ROR1: variants seen among roughly 807,000 people sequenced by gnomAD.
ROR1 encodes the protein inactive tyrosine-protein kinase transmembrane receptor ROR1.
In ROR1, 19 loss-of-function variants were observed where a neutral mutation model predicts 78.8. The observed-to-expected ratio is 0.24, with a 90% CI of 0.17 to 0.35. The LOEUF (loss-of-function observed/expected upper bound fraction) is 0.35, where lower values mean the gene tolerates loss of function less well. Ranked by LOEUF, ROR1 falls within the 10% of genes least tolerant of loss-of-function variation. The pLI, the probability that ROR1 is intolerant of heterozygous loss-of-function variation, is 1.00. For missense variants in ROR1, 917 were observed against 1,177.8 expected (o/e 0.78, Z 3.24); for synonymous variants, 386 against 433.6 (o/e 0.89, Z 1.36).
At chr1:63,817,325 A>G (rs914161202) in intron 1 of ROR1, among the ~76,000 whole-genome samples, 1 of 152,118 alleles carries the variant, frequency 6.6e-6, no homozygotes, top group African/African-American at 2.4e-5. Flanking sequence ...AGAAAGGACT[A>G]TTTTCAAAGC....
chr1:63,936,835 T>G (rs1645798011), intron 1 of ROR1, among the ~76,000 whole-genome samples: 1 of 152,172 alleles, frequency 6.6e-6, no homozygotes, highest in African/African-American at 2.4e-5. Context: ...ACTGAGCAAA[T>G]GTACAGTGGT....
chr1:63,957,221 T>C (rs1365478836), intron 1 of ROR1, among the ~76,000 whole-genome samples: 1 of 152,224 alleles, frequency 6.6e-6, no homozygotes, highest in Non-Finnish European at 1.5e-5. Context: ...AGTACCTTCC[T>C]GCAGCCTGAA....
At chr1:63,851,232 C>G (rs1457026409) in intron 1 of ROR1, among the ~76,000 whole-genome samples, 1 of 152,172 alleles carries the variant, frequency 6.6e-6, no homozygotes, top group African/African-American at 2.4e-5. Flanking sequence ...CTAGCCTCGG[C>G]CTCCTAAAGT....
intron 4 of ROR1, among the ~76,000 whole-genome samples, chr1:64,072,182 G>T (rs58984888): frequency 0.23 from 34,308 of 152,124 alleles, 4,586 homozygotes; most frequent in African/African-American, 0.38. Flanking sequence ...TAGCATCTAT[G>T]CAAAGAATTG....
At position 64,109,906 on chromosome 1, in the gene ROR1, A is replaced by T. The variant is rs138495742; in HGVS notation, c.483-27463A>T. Among the ~76,000 whole-genome samples, 10 of 152,160 alleles carry T rather than the reference A, an allele frequency of 6.6e-5. No individual in the cohort carries two copies. In the East Asian group the frequency reaches 1.9e-3, roughly 30 times the overall value. On this transcript the variant is annotated intron_variant, in intron 4 of 8. Transcript: ENST00000371079. ...TCTTTTGGGGGCTTCTGATGTCCGA[A>T]TGTCTTATTAATTAGCCCTACCAAC...
intron 1 of ROR1, among the ~76,000 whole-genome samples, chr1:63,979,794 A>G (rs1457894760): frequency 6.6e-6 from 1 of 152,218 alleles, no homozygotes; most frequent in African/African-American, 2.4e-5. Context: ...GATGGAGTAG[A>G]TATGCTCAAA....
chr1:64,171,953 T>G (rs1335361871), intron 8 of ROR1, among the ~76,000 whole-genome samples: 1 of 152,222 alleles, frequency 6.6e-6, no homozygotes, highest in Admixed American at 6.5e-5. Flanking sequence ...AGGTTAGTAG[T>G]AGGCTGCTTC....
chr1:63,937,752 A>C (rs1334757407), intron 1 of ROR1, among the ~76,000 whole-genome samples: 1 of 152,220 alleles, frequency 6.6e-6, no homozygotes, highest in Non-Finnish European at 1.5e-5. Context: ...TATGTCATAG[A>C]GGAAGTTAAT....
rs570393356 is a variant in ROR1 at position 64,048,190 on chromosome 1, G to A, written c.164-1501G>A. Among the ~76,000 whole-genome samples, 9 of 152,226 alleles carry A rather than the reference G, an allele frequency of 5.9e-5. No individual in the cohort carries two copies. In the South Asian group the frequency reaches 1.2e-3, roughly 21 times the overall value. ...CCATTAAATTCAACAAATTTGTGGC[G>A]TTCTACCTGTGCTGTCCAGTACAGT... On this transcript the variant is annotated intron_variant, in intron 2 of 8. Transcript: ENST00000371079.
intron 1 of ROR1, among the ~76,000 whole-genome samples, chr1:63,956,941 A>G (rs910652448): frequency 1.3e-5 from 2 of 152,154 alleles, no homozygotes; most frequent in African/African-American, 4.8e-5. Flanking sequence ...TTAATTAACT[A>G]CTTTTCCCCA....
rs560882083 is a variant in ROR1 at position 64,053,046 on chromosome 1, G to C, written c.482+2330G>C. ...GGGGACAGGCAGAAGATAACAAAAT[G>C]ATAGCCATGGGGAATATCATAACAT... is the stretch of plus-strand genomic sequence containing the variant. On this transcript the variant is annotated intron_variant, in intron 4 of 8. Coordinates refer to ENST00000371079, the MANE Select transcript of ROR1 (RefSeq NM_005012.4). Among the ~76,000 whole-genome samples, 11 of 152,278 alleles carry C rather than the reference G, an allele frequency of 7.2e-5. No individual in the cohort carries two copies. In the South Asian group the frequency reaches 2.3e-3, roughly 32 times the overall value.
chr1:63,887,422 T>C (rs1645364783), intron 1 of ROR1, among the ~76,000 whole-genome samples: 1 of 152,164 alleles, frequency 6.6e-6, no homozygotes, highest in Non-Finnish European at 1.5e-5. Flanking sequence ...TTAATATAGA[T>C]GAATTATGTG....
intron 4 of ROR1, among the ~76,000 whole-genome samples, chr1:64,087,918 G>GT (rs1227084296): frequency 1.3e-5 from 2 of 152,278 alleles, no homozygotes; most frequent in Admixed American, 6.5e-5. Flanking sequence ...GACTCAACTG[G>GT]TGAGTACCAT....
At position 64,137,371 on chromosome 1, in the gene ROR1, A is replaced by G. The variant is rs1649149557; in HGVS notation, c.485A>G (p.Asp162Gly). Residue 162 changes from aspartate to glycine, a missense_variant and splice_region_variant, in exon 5 of 9, where the codon GAT becomes GGT. Around this residue, in one of 3 missense-constraint regions of ROR1, gnomAD observed 835 missense variants for 1,069.8 expected, o/e 0.78. Transcript: ENST00000371079. ...PPPTASPGYS[D>G]EYEEDGFCQP... ...TGTCTGTCTATGCTTTCTTTCAGAGATGAGTATGAAGAAGATGGATTCTGT... is the reference window on the plus strand; with the variant it reads ...TGTCTGTCTATGCTTTCTTTCAGAGGTGAGTATGAAGAAGATGGATTCTGT... 6.2e-7 allele frequency: 1 copy of G among 1,613,796 alleles called. No individual in the cohort carries two copies. Among genetic ancestry groups the G allele is most frequent in the African/African-American group, 1.3e-5 (1 of 74,918 alleles).
intron 1 of ROR1, among the ~76,000 whole-genome samples, chr1:63,971,164 G>A (rs1193331548): frequency 2.0e-5 from 3 of 152,150 alleles, no homozygotes; most frequent in Admixed American, 2.0e-4. Context: ...TGGCTAAAAA[G>A]TGGACTCTGA....
At chr1:63,929,117 C>G (rs1645731374) in intron 1 of ROR1, among the ~76,000 whole-genome samples, 1 of 152,226 alleles carries the variant, frequency 6.6e-6, no homozygotes, top group Non-Finnish European at 1.5e-5. Context: ...TTTCCAGACT[C>G]CACAATCCGC....
chr1:63,976,176 A>G (rs1646159359), intron 1 of ROR1, among the ~76,000 whole-genome samples: 1 of 152,184 alleles, frequency 6.6e-6, no homozygotes, highest in African/African-American at 2.4e-5. Flanking sequence ...AGGTAATGTC[A>G]TGGAGTGTGA....
At chr1:63,805,724 T>C (rs905853878) in intron 1 of ROR1, among the ~76,000 whole-genome samples, 6 of 152,218 alleles carry the variant, frequency 3.9e-5, no homozygotes, top group Non-Finnish European at 7.3e-5. Context: ...TATAAGATGC[T>C]TCATTACAGG....
chr1:63,930,894 A>T (rs888167734), intron 1 of ROR1, among the ~76,000 whole-genome samples: 1 of 152,212 alleles, frequency 6.6e-6, no homozygotes, highest in African/African-American at 2.4e-5. Flanking sequence ...AGGCTACACA[A>T]ATGTTAACTA....
Sources: gnomAD v4.1 joint callset for allele counts (sites outside exome capture counted in the v4.1 genomes callset) on GRCh38, gnomAD v4.1.1 for gene constraint, gnomAD v4.1.1 regional missense constraint, MANE v1.5 for transcripts, NCBI Gene and HGNC (gene_info 2026-07-23, HGNC 2026-07-21) for gene names.